ASPRV1: variants seen among roughly 807,000 people sequenced by gnomAD.
ASPRV1 encodes the protein retroviral-like aspartic protease 1.
A neutral mutation model predicts 11.0 loss-of-function variants in ASPRV1; 7 were observed. The ratio of observed to expected loss-of-function variants is 0.64; its 90% CI spans 0.36 to 1.20. The LOEUF is 1.20. ASPRV1 is among the 50% of genes most tolerant of loss of function. ASPRV1 has a pLI of 0.02. For missense variants in ASPRV1, 299 were observed against 320.0 expected, an observed-to-expected ratio of 0.93 and a Z score of 0.50; for synonymous variants, 136 against 138.4, an observed-to-expected ratio of 0.98 and a Z score of 0.12.
the ASPRV1 span, among the ~76,000 whole-genome samples, chr2:70,020,254 A>G: frequency 1.3e-5 from 2 of 152,174 alleles, no homozygotes; most frequent in African/African-American, 4.8e-5. Flanking sequence ...TATACAATTG[A>G]ATTGAAAGTA....
the ASPRV1 span, among the ~76,000 whole-genome samples, chr2:70,033,451 C>T: frequency 3.9e-5 from 6 of 152,044 alleles, no homozygotes; most frequent in African/African-American, 4.8e-5. Context: ...TGTATTAGGG[C>T]GGGAGAGAAA....
the ASPRV1 span, chr2:69,938,146 G>A: frequency 5.0e-6 from 8 of 1,614,226 alleles, no homozygotes; most frequent in Non-Finnish European, 5.9e-6. Flanking sequence ...CAGGTGATCT[G>A]GACTGGAGCA....
At chr2:70,046,688 G>A in the ASPRV1 span, 3 of 152,190 alleles carry the variant, frequency 2.0e-5, no homozygotes, top group Admixed American at 2.0e-4. Flanking sequence ...TGGTCGAAAA[G>A]GCTGGCTGGC....
chr2:69,946,803 C>T, the ASPRV1 span, among the ~76,000 whole-genome samples: 2 of 152,106 alleles, frequency 1.3e-5, no homozygotes, highest in African/African-American at 4.8e-5. Context: ...TGGGCATTGA[C>T]AGTGGAGGGG....
the ASPRV1 span, among the ~76,000 whole-genome samples, chr2:69,996,262 C>T: frequency 5.6e-5 from 8 of 143,908 alleles, no homozygotes; most frequent in African/African-American, 2.1e-4. Flanking sequence ...TGTGGTGGCA[C>T]ACACCTGTGG....
At chr2:69,951,465 GTGTGTGTGTGTGTGTGTGTA>G in the ASPRV1 span, among the ~76,000 whole-genome samples, 210 of 133,178 alleles carry the variant, frequency 1.6e-3, 3 homozygotes, top group African/African-American at 5.5e-3. Context: ...GTGTGTGTGT[GTGTGTGTGTGTGTGTGTGTA>G]TATCTATATG....
the ASPRV1 span, among the ~76,000 whole-genome samples, chr2:69,990,687 T>C: frequency 2.0e-5 from 3 of 152,140 alleles, no homozygotes; most frequent in African/African-American, 4.8e-5. Flanking sequence ...AGTCCTGGAC[T>C]CAAGCCATCT....
the ASPRV1 span, among the ~76,000 whole-genome samples, chr2:69,991,198 C>T: frequency 6.6e-6 from 1 of 152,146 alleles, no homozygotes; most frequent in Non-Finnish European, 1.5e-5. Context: ...AGCTGCACCC[C>T]ACACACGGGC....
the ASPRV1 span, among the ~76,000 whole-genome samples, chr2:70,059,213 C>T: frequency 2.6e-5 from 4 of 151,226 alleles, no homozygotes; most frequent in Non-Finnish European, 5.9e-5. Context: ...TTTTTAAAAG[C>T]ACCTCTTTCA....
chr2:70,084,825 G>A, the ASPRV1 span, among the ~76,000 whole-genome samples: 1 of 152,178 alleles, frequency 6.6e-6, no homozygotes, highest in Non-Finnish European at 1.5e-5. Flanking sequence ...CCAGCACACA[G>A]TAAGCACCTA....
the ASPRV1 span, among the ~76,000 whole-genome samples, chr2:70,013,540 T>C: frequency 6.6e-6 from 1 of 152,192 alleles, no homozygotes; most frequent in Non-Finnish European, 1.5e-5. Flanking sequence ...AACTATAAAA[T>C]GATACTACTA....
chr2:69,933,920 G>T, the ASPRV1 span, among the ~76,000 whole-genome samples: 63 of 152,328 alleles, frequency 4.1e-4, no homozygotes, highest in African/African-American at 1.5e-3. Flanking sequence ...TCTGCTCCAA[G>T]TAGGTTGTGT....
upstream of ASPRV1, chr2:69,961,853 T>G: frequency 1.4e-6 from 1 of 699,742 alleles, no homozygotes; most frequent in Non-Finnish European, 2.4e-6. Context: ...GACTACCCTG[T>G]ACCCTCCCTG....
At chr2:69,992,457 AC>A in the ASPRV1 span, among the ~76,000 whole-genome samples, 1 of 151,978 alleles carries the variant, frequency 6.6e-6, no homozygotes, top group Non-Finnish European at 1.5e-5. Flanking sequence ...TTCATTGAAA[AC>A]CTACACTCAT....
chr2:70,086,426 A>C, the ASPRV1 span: 1 of 152,276 alleles, frequency 6.6e-6, no homozygotes, highest in Non-Finnish European at 1.5e-5. Context: ...GGCAGAAATC[A>C]CAACTCATAG....
the ASPRV1 span, among the ~76,000 whole-genome samples, chr2:70,069,638 A>C: frequency 1.3e-5 from 2 of 152,198 alleles, no homozygotes; most frequent in African/African-American, 2.4e-5. Flanking sequence ...AATGAATTTT[A>C]TCTCTTCTTC....
chr2:69,998,585 CG>C, the ASPRV1 span, among the ~76,000 whole-genome samples: 1 of 151,990 alleles, frequency 6.6e-6, no homozygotes, highest in East Asian at 1.9e-4. Context: ...AAAAATTAGC[CG>C]GGCACGGTGG....
At chr2:70,060,368 A>G in the ASPRV1 span, among the ~76,000 whole-genome samples, 2 of 150,722 alleles carry the variant, frequency 1.3e-5, no homozygotes, top group African/African-American at 4.9e-5. Flanking sequence ...AAGCCTATTA[A>G]AGAGGACAAA....
At chr2:69,961,715 CT>C, upstream of ASPRV1, 2 of 1,519,810 alleles carry the variant, frequency 1.3e-6, no homozygotes, top group African/African-American at 2.8e-5. Context: ...AGCTCCGCCC[CT>C]CCTCACCCCG....
Sources: gnomAD v4.1 joint callset for allele counts (sites outside exome capture counted in the v4.1 genomes callset) on GRCh38, gnomAD v4.1.1 for gene constraint, MANE v1.5 for transcripts, NCBI Gene and HGNC (gene_info 2026-07-23, HGNC 2026-07-21) for gene names.